Variants in CCDC148 observed in about 807,000 individuals in gnomAD.
The protein encoded by CCDC148 is coiled-coil domain-containing protein 148.
In CCDC148, 89 loss-of-function variants were observed where a neutral mutation model predicts 85.7. That is an observed-to-expected ratio of 1.04 (90% CI 0.87 to 1.24). The LOEUF (loss-of-function observed/expected upper bound fraction) is 1.24, where lower values mean the gene tolerates loss of function less well. Among genes scored for constraint, CCDC148 ranks in the 50% most tolerant of loss-of-function variants. The probability of loss-of-function intolerance (pLI) is 0.00; values close to 1 mark genes in which losing one functional copy is unlikely to be tolerated. For synonymous variants in CCDC148, 230 were observed against 213.9 expected (o/e 1.08, Z -0.66); for missense variants, 692 against 671.7 (o/e 1.03, Z -0.33).
chr2:158,219,825 G>A (rs903808453), intron 11 of CCDC148, among the ~76,000 whole-genome samples: 19 of 152,160 alleles, frequency 1.2e-4, no homozygotes, highest in African/African-American at 3.6e-4. Context: ...AATCCCAACC[G>A]TGGAGAGGGC....
chr2:158,443,855 T>G (rs1194966422), intron 1 of CCDC148, among the ~76,000 whole-genome samples: 1 of 152,136 alleles, frequency 6.6e-6, no homozygotes, highest in Admixed American at 6.5e-5. Context: ...CAGCCACACC[T>G]CCTGACTTTG....
At chr2:158,420,648 G>A (rs1029971758) in intron 1 of CCDC148, among the ~76,000 whole-genome samples, 15 of 152,116 alleles carry the variant, frequency 9.9e-5, no homozygotes, top group African/African-American at 3.6e-4. Context: ...AAATTGTAAA[G>A]ACCATCGATG....
chr2:158,365,657 G>T (rs575964301), intron 1 of CCDC148, among the ~76,000 whole-genome samples: 7 of 152,216 alleles, frequency 4.6e-5, no homozygotes, highest in African/African-American at 7.2e-5. Context: ...GGCCTGTCGG[G>T]GGGTGGAGGG....
intron 1 of CCDC148, among the ~76,000 whole-genome samples, chr2:158,376,634 T>C (rs1262011617): frequency 6.6e-6 from 1 of 151,162 alleles, no homozygotes; most frequent in Non-Finnish European, 1.5e-5. Context: ...AGGAAGTAAA[T>C]AAATGAAGGG....
intron 9 of CCDC148, among the ~76,000 whole-genome samples, chr2:158,283,154 T>C (rs1264377114): frequency 6.6e-6 from 1 of 152,218 alleles, no homozygotes; most frequent in Non-Finnish European, 1.5e-5. Flanking sequence ...ACTTAAACGT[T>C]AGACCTAAAA....
At chr2:158,450,985 T>C (rs1688383800) in intron 1 of CCDC148, among the ~76,000 whole-genome samples, 1 of 152,214 alleles carries the variant, frequency 6.6e-6, no homozygotes, top group Non-Finnish European at 1.5e-5. Context: ...TGTTCATTTT[T>C]CTTCAATCTT....
rs141766040 is a variant in CCDC148, at chr2:158,416,795, G to A, written c.25+39620C>T. On this transcript the variant is annotated intron_variant, in intron 1 of 13. Coordinates refer to ENST00000283233, the MANE Select transcript of CCDC148 (RefSeq NM_138803.4). ...TTCCACATTTTCAGGTATCTTTATAGCAATGCCCCACTTCTCAGTACCAAT... is the reference window on the plus strand; with the variant it reads ...TTCCACATTTTCAGGTATCTTTATAACAATGCCCCACTTCTCAGTACCAAT... 2.1e-3 allele frequency among the ~76,000 whole-genome samples: 325 copies of A among 152,166 alleles called. 1 individual carries two copies. Among genetic ancestry groups the A allele is most frequent in the African/African-American group, 7.2e-3 (297 of 41,528 alleles).
At chr2:158,178,789 G>T in intron 12 of CCDC148, 90 bp downstream of exon 12, 3 of 863,900 alleles carry the variant, frequency 3.5e-6, no homozygotes, top group South Asian at 1.5e-5. Context: ...CAGATGTCAT[G>T]AACTAAGCCC....
At chr2:158,316,036 G>T (rs1052898976) in intron 7 of CCDC148, among the ~76,000 whole-genome samples, 1 of 152,090 alleles carries the variant, frequency 6.6e-6, no homozygotes, top group African/African-American at 2.4e-5. Flanking sequence ...TCTTGTTTAG[G>T]AATCCCTGTC....
intron 13 of CCDC148, 106 bp from the exon 14 acceptor site, chr2:158,172,365 G>T (rs1285634714): frequency 8.8e-6 from 7 of 794,690 alleles, no homozygotes; most frequent in Non-Finnish European, 1.4e-5. Context: ...CTGGACAGAT[G>T]ACTAGGTGAC....
intron 1 of CCDC148, chr2:158,425,148 C>A: frequency 3.9e-6 from 2 of 510,970 alleles, no homozygotes; most frequent in Admixed American, 2.1e-5. Context: ...TGGTGGTGAT[C>A]AAAACTGTAG....
At chr2:158,189,817 C>A (rs1685333793) in intron 11 of CCDC148, among the ~76,000 whole-genome samples, 1 of 151,874 alleles carries the variant, frequency 6.6e-6, no homozygotes, top group Admixed American at 6.6e-5. Context: ...TGTATACTTC[C>A]TGAGTCTAGT....
In CCDC148 at chr2:158,352,089, C is replaced by T. The variant is rs1460977322; in HGVS notation, c.147+6360G>A. Among the ~76,000 whole-genome samples the T allele has an allele frequency of 2.7e-5, 4 of 145,622 alleles. No homozygotes were observed. The East Asian group carries it at 8.0e-4, about 29-fold the overall frequency. ...AAACCCATCTGTACATCACCATCAT[C>T]AAAGACCAAAAGTAGATAAAACCAC... On this transcript the variant is annotated intron_variant, in intron 2 of 13. Transcript: ENST00000283233.
intron 10 of CCDC148, among the ~76,000 whole-genome samples, chr2:158,225,451 A>G (rs920007416): frequency 3.9e-5 from 6 of 152,144 alleles, no homozygotes; most frequent in South Asian, 2.1e-4. Context: ...TGCACCAAGC[A>G]GAACTAATAG....
At chr2:158,347,671 GTA>G (rs1683061253) in intron 2 of CCDC148, among the ~76,000 whole-genome samples, 1 of 152,026 alleles carries the variant, frequency 6.6e-6, no homozygotes, top group South Asian at 2.1e-4. Flanking sequence ...GGGGTTTCCT[GTA>G]TATGGCTTAT....
At chr2:158,241,990 T>C (rs4126020) in intron 10 of CCDC148, among the ~76,000 whole-genome samples, 50,325 of 152,048 alleles carry the variant, frequency 0.33, 10,068 homozygotes, top group South Asian at 0.6. Flanking sequence ...CTTAGAACCA[T>C]AGGATGTACT....
At chr2:158,270,041 G>A (rs1271171457) in intron 9 of CCDC148, among the ~76,000 whole-genome samples, 1 of 152,162 alleles carries the variant, frequency 6.6e-6, no homozygotes, top group Non-Finnish European at 1.5e-5. Flanking sequence ...CTTCAAGCAT[G>A]AGATATAAGA....
At chr2:158,443,753 G>T (rs142439228) in intron 1 of CCDC148, among the ~76,000 whole-genome samples, 109 of 152,252 alleles carry the variant, frequency 7.2e-4, no homozygotes, top group African/African-American at 2.4e-3. Flanking sequence ...GCCCAGCTGA[G>T]TCATTTTACA....
At chr2:158,428,070 G>T (rs1574803435) in intron 1 of CCDC148, among the ~76,000 whole-genome samples, 1 of 152,160 alleles carries the variant, frequency 6.6e-6, no homozygotes, top group African/African-American at 2.4e-5. Context: ...TTAAGGAAGG[G>T]GCTGACATGC....
Sources: allele counts gnomAD v4.1 joint callset (sites outside exome capture counted in the v4.1 genomes callset), GRCh38; gene constraint gnomAD v4.1.1; transcripts MANE v1.5; gene names NCBI Gene and HGNC (gene_info 2026-07-23, HGNC 2026-07-21).